DDX10: variants seen among roughly 807,000 people sequenced by gnomAD.
DDX10 encodes probable ATP-dependent RNA helicase DDX10.
DDX10 carries 74 observed loss-of-function variants against 104.3 expected under a neutral mutation model. The observed-to-expected ratio is 0.71, with a 90% CI of 0.59 to 0.86. DDX10 has a LOEUF of 0.86. Ranked by LOEUF, DDX10 falls within the 40% of genes least tolerant of loss-of-function variation. The pLI is 0.00. For synonymous variants in DDX10, 351 were observed against 353.4 expected, an observed-to-expected ratio of 0.99 and a Z score of 0.08; for missense variants, 952 against 1,040.0, an observed-to-expected ratio of 0.92 and a Z score of 1.16.
chr11:108,880,932 T>C (rs1863219739), intron 16 of DDX10, among the ~76,000 whole-genome samples: 1 of 152,246 alleles, frequency 6.6e-6, no homozygotes, highest in Non-Finnish European at 1.5e-5. Flanking sequence ...TTTTACATTG[T>C]TCTCTCTTTT....
At chr11:108,689,130 G>C in intron 7 of DDX10, 68 bp downstream of exon 7, 1 of 1,517,972 alleles carries the variant, frequency 6.6e-7, no homozygotes, top group Non-Finnish European at 9.1e-7. Context: ...AAATCAATTA[G>C]ACAAATTATT....
intron 16 of DDX10, among the ~76,000 whole-genome samples, chr11:108,852,872 A>G (rs1180657210): frequency 6.6e-6 from 1 of 152,140 alleles, no homozygotes; most frequent in African/African-American, 2.4e-5. Context: ...CCAATAACAT[A>G]TGTCATTTCT....
chr11:108,903,714 G>T (rs1271031951), intron 16 of DDX10, among the ~76,000 whole-genome samples: 1 of 152,082 alleles, frequency 6.6e-6, no homozygotes, highest in Non-Finnish European at 1.5e-5. Context: ...ACCAACCATG[G>T]ATACTGAGGG....
chr11:108,801,110 G>C (rs182880615), intron 13 of DDX10, among the ~76,000 whole-genome samples: 77 of 152,212 alleles, frequency 5.1e-4, no homozygotes, highest in Non-Finnish European at 9.1e-4. Flanking sequence ...CCTGTAGTTA[G>C]AATGTGTGCT....
intron 16 of DDX10, among the ~76,000 whole-genome samples, chr11:108,910,174 T>G (rs1227245946): frequency 1.3e-5 from 2 of 151,838 alleles, no homozygotes; most frequent in Admixed American, 1.3e-4. Context: ...TTACAAAGCT[T>G]ATAAAATACA....
chr11:108,745,202 C>T (rs1292125781), intron 13 of DDX10, among the ~76,000 whole-genome samples: 2 of 132,742 alleles, frequency 1.5e-5, no homozygotes, highest in Non-Finnish European at 3.2e-5. Flanking sequence ...CCTTCCCTTT[C>T]GTTTCCTTCC....
chr11:108,881,549 C>A lies in DDX10; in HGVS notation c.2304+29340C>A, dbSNP rs184546998. On this transcript the variant is annotated intron_variant, in intron 16 of 17. Coordinates refer to ENST00000322536, the MANE Select transcript of DDX10 (RefSeq NM_004398.4). ...TTTATGATGGTGTGAAAGTGATCCA[C>A]ATTCAGTAGAAGCCATGCTTTGAGT... Among the ~76,000 whole-genome samples, 69 of 152,306 alleles carry A rather than the reference C, an allele frequency of 4.5e-4. 1 individual carries two copies. The Middle Eastern group carries it at 0.01, about 23-fold the overall frequency.
intron 13 of DDX10, among the ~76,000 whole-genome samples, chr11:108,831,265 G>A (rs559193750): frequency 1.2e-3 from 175 of 151,840 alleles, no homozygotes; most frequent in Non-Finnish European, 2.1e-3. Flanking sequence ...TTAGCCAGGC[G>A]TGGTGGCAGG....
At position 108,919,566 on chromosome 11, in the gene DDX10, A is replaced by G. The variant is rs548559773; in HGVS notation, c.2450+1548A>G. The G allele has an allele frequency of 3.3e-5, 5 of 152,346 alleles. No individual in the cohort carries two copies. In the East Asian group the frequency reaches 9.6e-4, roughly 29 times the overall value. The allele number at this position is 152,346 out of a possible 1,614,324, so 9.4% of individuals were successfully genotyped here. ...GTAGATGTGATTTAATGTAACATAC[A>G]TGACTTTCAGTCATTGTCTTCCAAG... On this transcript the variant is annotated intron_variant, in intron 17 of 17. Coordinates refer to ENST00000322536, the MANE Select transcript of DDX10 (RefSeq NM_004398.4).
chr11:108,874,870 C>T (rs1863131188), intron 16 of DDX10, among the ~76,000 whole-genome samples: 1 of 152,038 alleles, frequency 6.6e-6, no homozygotes, highest in South Asian at 2.1e-4. Flanking sequence ...CAGCTGAGTT[C>T]CTTTATTGGT....
chr11:108,808,239 A>G (rs372016241), intron 13 of DDX10, among the ~76,000 whole-genome samples: 34 of 151,938 alleles, frequency 2.2e-4, no homozygotes, highest in African/African-American at 8.0e-4. Context: ...TCCAGTAACT[A>G]TTGTTGAAAA....
At chr11:108,715,378 C>T (rs61914004) in intron 10 of DDX10, among the ~76,000 whole-genome samples, 11 of 152,104 alleles carry the variant, frequency 7.2e-5, no homozygotes, top group East Asian at 1.9e-4. Context: ...ACAGACTAGC[C>T]GTGCATGTTG....
chr11:108,911,713 A>G (rs1266228426), intron 16 of DDX10, among the ~76,000 whole-genome samples: 3 of 151,578 alleles, frequency 2.0e-5, no homozygotes, highest in African/African-American at 4.9e-5. Flanking sequence ...AAACTATAGG[A>G]GCGTGTCACC....
chr11:108,926,948 G>C (rs1336986469), intron 17 of DDX10, among the ~76,000 whole-genome samples: 1 of 152,160 alleles, frequency 6.6e-6, no homozygotes, highest in Non-Finnish European at 1.5e-5. Flanking sequence ...ATACAAATAG[G>C]TGCCCAAAAC....
intron 16 of DDX10, among the ~76,000 whole-genome samples, chr11:108,874,831 G>A (rs1863130544): frequency 6.6e-6 from 1 of 152,100 alleles, no homozygotes; most frequent in African/African-American, 2.4e-5. Flanking sequence ...GAATAACGGG[G>A]TTTGAATTAG....
At chr11:108,837,549 C>G (rs907927359) in intron 13 of DDX10, among the ~76,000 whole-genome samples, 16 of 141,344 alleles carry the variant, frequency 1.1e-4, no homozygotes, top group Non-Finnish European at 2.1e-4. Context: ...AGGTTGTGAG[C>G]TAGGTCCTAA....
chr11:108,934,362 G>A (rs1864010989), intron 17 of DDX10, among the ~76,000 whole-genome samples: 1 of 152,186 alleles, frequency 6.6e-6, no homozygotes, highest in Non-Finnish European at 1.5e-5. Context: ...TGTTTACTTT[G>A]AGATGCAGGT....
Position 108,841,375 on chromosome 11 carries a change from GAC to G in DDX10, c.2150_2151del (p.Thr717ArgfsTer7), listed in dbSNP as rs779190693. On this transcript the variant is annotated frameshift_variant, in exon 15 of 18. Transcript: ENST00000322536. LOFTEE classifies it high-confidence loss of function. ...CATCAAGGATGCTGAGGAAGATGAT[GAC>G]ACAGGTGGTATCAACTTACATAAAG... ...SAIKDAEEDD[D>X]TGGINLHKAK... 6.2e-7 allele frequency: 1 copy of G among 1,613,590 alleles called. No homozygotes were observed. The highest frequency in any genetic ancestry group is 1.1e-5 in the South Asian group (1 of 91,040).
At chr11:108,702,240 G>A (rs1404463476) in intron 9 of DDX10, among the ~76,000 whole-genome samples, 1 of 152,058 alleles carries the variant, frequency 6.6e-6, no homozygotes, top group Admixed American at 6.5e-5. Context: ...CTTACTAACT[G>A]TACAGATTCT....
Sources: gnomAD v4.1 joint callset for allele counts (sites outside exome capture counted in the v4.1 genomes callset) on GRCh38, gnomAD v4.1.1 for gene constraint, MANE v1.5 for transcripts, NCBI Gene and HGNC (gene_info 2026-07-23, HGNC 2026-07-21) for gene names.